KHDC1: variants seen among roughly 807,000 people sequenced by gnomAD.
KHDC1 encodes KH domain containing 1, also known as KH homology domain-containing protein 1.
In KHDC1, 21 loss-of-function variants were observed where a neutral mutation model predicts 24.7. The ratio of observed to expected loss-of-function variants is 0.85; its 90% confidence interval spans 0.60 to 1.23. The LOEUF is 1.23. Ranked by LOEUF, KHDC1 falls within the 50% of genes most tolerant of loss-of-function variation. The pLI, the probability that KHDC1 is intolerant of heterozygous loss-of-function variation, is 0.00. For synonymous variants in KHDC1, 98 were observed against 111.7 expected (o/e 0.88, Z 0.77); for missense variants, 274 against 298.5 (o/e 0.92, Z 0.61).
At chr6:73,304,511 G>A (rs1033884196) in intron 1 of KHDC1, among the ~76,000 whole-genome samples, 1 of 152,086 alleles carries the variant, frequency 6.6e-6, no homozygotes, top group Non-Finnish European at 1.5e-5. Context: ...ATGTTGCCCA[G>A]GCTGGTCTTG....
At chr6:73,255,667 C>G (rs1328371280) in intron 2 of KHDC1, among the ~76,000 whole-genome samples, 11 of 148,694 alleles carry the variant, frequency 7.4e-5, no homozygotes, top group Non-Finnish European at 1.6e-4. Context: ...TTTGGGAGGC[C>G]GAGGTGGGCA....
chr6:73,301,878 C>T (rs1375912305), intron 1 of KHDC1, among the ~76,000 whole-genome samples: 1 of 151,826 alleles, frequency 6.6e-6, no homozygotes, highest in East Asian at 1.9e-4. Context: ...GCAATCCTGC[C>T]TCAGCCTCCC....
At chr6:73,245,739 C>T (rs556866297) in intron 2 of KHDC1, among the ~76,000 whole-genome samples, 15 of 152,026 alleles carry the variant, frequency 9.9e-5, no homozygotes, top group South Asian at 2.1e-4. Context: ...ATAACAGTCA[C>T]GGGAAATGTG....
chr6:73,262,813 T>C lies in KHDC1; in HGVS notation c.207-20283A>G. On this transcript the variant is annotated intron_variant, in intron 2 of 4. An upstream open reading frame in the 5' UTR loses its in-frame stop. Transcript: ENST00000370384. ...TCTTGCAGACACGCAACTCACTGAC[T>C]CAACCAATGAGGAAATTATCCCACA... is the stretch of plus-strand genomic sequence containing the variant. 1.0e-6 allele frequency: 1 copy of C among 985,566 alleles called. No homozygotes were observed. The highest frequency in any genetic ancestry group is 1.2e-6 in the Non-Finnish European group (1 of 830,008). The allele number at this position is 985,566 out of a possible 1,614,324, so 61.1% of individuals were successfully genotyped here.
intron 1 of KHDC1, among the ~76,000 whole-genome samples, chr6:73,305,852 G>A (rs1391056719): frequency 6.6e-6 from 1 of 151,918 alleles, no homozygotes; most frequent in Non-Finnish European, 1.5e-5. Flanking sequence ...TAGAGACGGG[G>A]TTCACCATGT....
intron 2 of KHDC1, among the ~76,000 whole-genome samples, chr6:73,252,606 T>C (rs1766800615): frequency 6.6e-6 from 1 of 151,188 alleles, no homozygotes; most frequent in Non-Finnish European, 1.5e-5. Flanking sequence ...AGCTCAGGAG[T>C]TGGAAACCAG....
At chr6:73,282,156 T>C (rs1767426738) in intron 2 of KHDC1, among the ~76,000 whole-genome samples, 1 of 145,006 alleles carries the variant, frequency 6.9e-6, no homozygotes. Flanking sequence ...AGGCGAAGGT[T>C]GTAGTGAGCC....
At chr6:73,287,239 G>A (rs144187409) in intron 2 of KHDC1, among the ~76,000 whole-genome samples, 246 of 152,244 alleles carry the variant, frequency 1.6e-3, no homozygotes, top group Middle Eastern at 6.8e-3. Context: ...AGGAGATGCC[G>A]TGATAAAACT....
chr6:73,285,473 AG>A (rs1767501680), intron 2 of KHDC1, among the ~76,000 whole-genome samples: 1 of 151,948 alleles, frequency 6.6e-6, no homozygotes, highest in South Asian at 2.1e-4. Flanking sequence ...CTGAGATTAC[AG>A]GCACCTGCCA....
intron 2 of KHDC1, among the ~76,000 whole-genome samples, chr6:73,289,190 C>T (rs1398974040): frequency 2.0e-5 from 3 of 150,830 alleles, no homozygotes; most frequent in African/African-American, 7.3e-5. Context: ...AAAAATTAGA[C>T]AGGCATGGTG....
At chr6:73,254,747 A>G (rs1243498094) in intron 2 of KHDC1, among the ~76,000 whole-genome samples, 3 of 152,114 alleles carry the variant, frequency 2.0e-5, no homozygotes, top group Non-Finnish European at 4.4e-5. Context: ...TCATGCCTGT[A>G]ATCCCGGCAC....
At chr6:73,242,698 A>G (rs1354256904) in intron 2 of KHDC1, 168 bp from the exon 2 acceptor site, 7 of 758,524 alleles carry the variant, frequency 9.2e-6, no homozygotes, top group African/African-American at 3.5e-5. Context: ...ATTCATTCCA[A>G]GTAATTATCT....
chr6:73,279,747 T>C (rs1767371235), intron 2 of KHDC1, among the ~76,000 whole-genome samples: 1 of 151,892 alleles, frequency 6.6e-6, no homozygotes, highest in Non-Finnish European at 1.5e-5. Context: ...ACCCAGCTAA[T>C]GTTTATATTT....
At chr6:73,246,973 C>CT (rs1005911670) in intron 2 of KHDC1, among the ~76,000 whole-genome samples, 65 of 148,226 alleles carry the variant, frequency 4.4e-4, no homozygotes, top group African/African-American at 1.1e-3. Context: ...AATAAGTCAA[C>CT]TTTTTTTTTT....
rs567745263 is a variant in KHDC1 at position 73,271,730 on chromosome 6, C to G, written c.206+20268G>C. ...CCAACATGGTGAAACCCCTTCTCTA[C>G]TAAAACTACAAGAATTAGCCAGGCA... On this transcript the variant is annotated intron_variant, in intron 2 of 4. Coordinates refer to ENST00000370384, the Ensembl canonical transcript of KHDC1. 2.6e-5 allele frequency among the ~76,000 whole-genome samples: 4 copies of G among 151,470 alleles called. No homozygotes were observed. The South Asian group carries it at 8.4e-4, about 32-fold the overall frequency.
chr6:73,305,756 T>G (rs1461262687), intron 1 of KHDC1, among the ~76,000 whole-genome samples: 1 of 152,092 alleles, frequency 6.6e-6, no homozygotes, highest in Non-Finnish European at 1.5e-5. Context: ...ACCTCCTGGG[T>G]TCAAGTGATT....
intron 2 of KHDC1, among the ~76,000 whole-genome samples, chr6:73,255,488 C>T (rs1287798306): frequency 6.8e-6 from 1 of 146,768 alleles, no homozygotes; most frequent in Admixed American, 6.8e-5. Flanking sequence ...TCCCAAAGTG[C>T]TGGGATTATA....
chr6:73,288,088 T>C (rs1409615941), intron 2 of KHDC1, among the ~76,000 whole-genome samples: 1 of 152,226 alleles, frequency 6.6e-6, no homozygotes, highest in Non-Finnish European at 1.5e-5. Context: ...AGGATAGAGT[T>C]AGTCATCATC....
chr6:73,262,155 G>T (rs184051964), intron 2 of KHDC1, among the ~76,000 whole-genome samples: 23 of 152,016 alleles, frequency 1.5e-4, no homozygotes, highest in African/African-American at 5.5e-4. Context: ...GTGTAACCTT[G>T]GGCCAGTTGC....
Sources: allele counts gnomAD v4.1 joint callset (sites outside exome capture counted in the v4.1 genomes callset), GRCh38; gene constraint gnomAD v4.1.1; transcripts MANE v1.5; gene names NCBI Gene and HGNC (gene_info 2026-07-23, HGNC 2026-07-21).